Variants in RERE observed in about 807,000 individuals in gnomAD.
RERE encodes arginine-glutamic acid dipeptide repeats.
RERE carries 40 observed loss-of-function variants against 146.1 expected under a neutral mutation model. The ratio of observed to expected loss-of-function variants is 0.27; its 90% CI spans 0.21 to 0.36. The LOEUF (loss-of-function observed/expected upper bound fraction) is 0.36, where lower values mean the gene tolerates loss of function less well. RERE is among the 10% of genes least tolerant of loss of function. RERE has a pLI of 1.00. For synonymous variants in RERE, 1,003 were observed against 866.0 expected (o/e 1.16, Z -2.78); for missense variants, 1,933 against 2,138.7 (o/e 0.90, Z 1.90).
Position 8,607,534 on chromosome 1 carries a change from C to CTT in RERE, c.522+7025_522+7026dup, listed in dbSNP as rs1167501074. On this transcript the variant is annotated intron_variant, in intron 4 of 22. Transcript: ENST00000400908. ...CGCATATTTGTTTTTATATATATTT[C>CTT]TTTTTTTTTTTTTTTTTTTTTTTTT... 6.3e-3 allele frequency among the ~76,000 whole-genome samples: 308 copies of CTT among 48,570 alleles called. 57 individuals carry two copies. The highest frequency in any genetic ancestry group is 0.011 in the Admixed American group (30 of 2,800). 31.9% of individuals were successfully genotyped at this position (48,570 alleles called of 152,430 possible). A position where few individuals can be genotyped will look rare whatever the true frequency, so the allele number is the denominator to read the frequency against.
chr1:8,744,384 A>G (rs17383360), intron 1 of RERE, among the ~76,000 whole-genome samples: 8,109 of 152,304 alleles, frequency 0.053, 231 homozygotes, highest in South Asian at 0.067. Flanking sequence ...GGTCACACTA[A>G]CCACAGGGAG....
At chr1:8,524,661 G>A (rs1645548151) in intron 7 of RERE, among the ~76,000 whole-genome samples, 1 of 152,160 alleles carries the variant, frequency 6.6e-6, no homozygotes, top group Non-Finnish European at 1.5e-5. Flanking sequence ...AAACAAAAAG[G>A]AGCAAACAGT....
chr1:8,774,970 T>C (rs1314432466), intron 1 of RERE, among the ~76,000 whole-genome samples: 1 of 140,332 alleles, frequency 7.1e-6, no homozygotes. Flanking sequence ...TTTTTTTTTT[T>C]TTTTTTTTTT....
At chr1:8,745,214 G>A (rs186389619) in intron 1 of RERE, among the ~76,000 whole-genome samples, 1 of 152,252 alleles carries the variant, frequency 6.6e-6, no homozygotes, top group East Asian at 1.9e-4. Flanking sequence ...GGAGATCTGA[G>A]GGATTTATAA....
At chr1:8,444,979 A>T (rs1644299424) in intron 11 of RERE, among the ~76,000 whole-genome samples, 1 of 152,136 alleles carries the variant, frequency 6.6e-6, no homozygotes, top group South Asian at 2.1e-4. Context: ...TTCACTTGTA[A>T]TATTTAAAAG....
At chr1:8,636,629 C>T (rs1455468556) in intron 2 of RERE, among the ~76,000 whole-genome samples, 2 of 152,024 alleles carry the variant, frequency 1.3e-5, no homozygotes, top group East Asian at 3.9e-4. Context: ...CATGGCCTCT[C>T]AGAATAAAGA....
chr1:8,545,329 C>T (rs1242001933), intron 6 of RERE, among the ~76,000 whole-genome samples: 2 of 152,144 alleles, frequency 1.3e-5, no homozygotes, highest in Non-Finnish European at 2.9e-5. Flanking sequence ...CCGAGTGGGG[C>T]GGGCCCCAGA....
intron 4 of RERE, among the ~76,000 whole-genome samples, chr1:8,608,341 A>G (rs1646748046): frequency 6.6e-6 from 1 of 152,122 alleles, no homozygotes; most frequent in Non-Finnish European, 1.5e-5. Flanking sequence ...TGTCTCTACA[A>G]AAATTTAAAA....
At chr1:8,485,309 C>T (rs1020133365) in intron 10 of RERE, among the ~76,000 whole-genome samples, 1 of 151,974 alleles carries the variant, frequency 6.6e-6, no homozygotes, top group East Asian at 1.9e-4. Flanking sequence ...TGTGGTGAGC[C>T]GAGATCGTGC....
chr1:8,522,309 C>T (rs767390570), intron 7 of RERE, among the ~76,000 whole-genome samples: 2 of 152,192 alleles, frequency 1.3e-5, no homozygotes, highest in Non-Finnish European at 2.9e-5. Context: ...ATTTATGTTA[C>T]AGTCTTAGAA....
At chr1:8,402,089 A>G (rs1643282090) in intron 12 of RERE, among the ~76,000 whole-genome samples, 1 of 152,110 alleles carries the variant, frequency 6.6e-6, no homozygotes, top group South Asian at 2.1e-4. Context: ...GGATGGTCTC[A>G]ATCTCTTGAC....
intron 2 of RERE, among the ~76,000 whole-genome samples, chr1:8,655,210 CT>C (rs781480952): frequency 9.4e-4 from 134 of 142,676 alleles, no homozygotes; most frequent in African/African-American, 7.9e-4. Flanking sequence ...ATCTTCAGGG[CT>C]TTTTTTTTTT....
intron 2 of RERE, among the ~76,000 whole-genome samples, chr1:8,652,123 GAGA>G (rs940560717): frequency 2.0e-5 from 3 of 152,206 alleles, no homozygotes; most frequent in African/African-American, 7.2e-5. Context: ...GGAAACCACT[GAGA>G]AGGTCAAAGA....
At chr1:8,487,701 C>A (rs1449978613) in intron 10 of RERE, among the ~76,000 whole-genome samples, 3 of 151,902 alleles carry the variant, frequency 2.0e-5, no homozygotes, top group East Asian at 3.9e-4. Context: ...CAAGGAAGTG[C>A]AATAAAGCAC....
intron 12 of RERE, among the ~76,000 whole-genome samples, chr1:8,417,801 T>G (rs1362160788): frequency 6.6e-6 from 1 of 152,216 alleles, no homozygotes; most frequent in Non-Finnish European, 1.5e-5. Context: ...CAAGTTCTAC[T>G]GCATCCGCTT....
chr1:8,465,730 C>A (rs1188284698), intron 11 of RERE, 195 bp downstream of exon 11: 2 of 673,656 alleles, frequency 3.0e-6, no homozygotes, highest in Non-Finnish European at 2.7e-6. Flanking sequence ...ATCTATGAAG[C>A]CTAATCTTAA....
intron 12 of RERE, among the ~76,000 whole-genome samples, chr1:8,391,855 G>A (rs1020734746): frequency 2.0e-5 from 3 of 152,052 alleles, no homozygotes; most frequent in African/African-American, 7.2e-5. Context: ...GGCCAACCCT[G>A]TCTCTACTAA....
rs546755862 is a variant in RERE, at chr1:8,671,614, C to G, written c.-144-15173G>C. 1.4e-4 allele frequency among the ~76,000 whole-genome samples: 21 copies of G among 152,240 alleles called. No homozygotes were observed. The South Asian group carries it at 2.1e-3, about 15-fold the overall frequency. Reference sequence around the variant, plus strand: ...AAGATTCTTGCCTTGTAAATTAATTCTAAAAAGAGTTGTCAGATTTAAAAA... The same window carrying G: ...AAGATTCTTGCCTTGTAAATTAATTGTAAAAAGAGTTGTCAGATTTAAAAA... On this transcript the variant is annotated intron_variant, in intron 1 of 22. Transcript: ENST00000400908.
chr1:8,426,968 T>C (rs1644022209), intron 11 of RERE, among the ~76,000 whole-genome samples: 1 of 152,248 alleles, frequency 6.6e-6, no homozygotes, highest in African/African-American at 2.4e-5. Context: ...TTACACCTAG[T>C]GCCTCCATAT....
Sources: gnomAD v4.1 joint callset for allele counts (sites outside exome capture counted in the v4.1 genomes callset) on GRCh38, gnomAD v4.1.1 for gene constraint, MANE v1.5 for transcripts, NCBI Gene and HGNC (gene_info 2026-07-23, HGNC 2026-07-21) for gene names.